The following STAB2 variants were observed in gnomAD, a reference collection of about 807,000 sequenced individuals.
The protein encoded by STAB2 is stabilin-2.
Under a neutral mutation model 338.1 loss-of-function variants are expected in STAB2, and 288 were observed. That is an observed-to-expected ratio of 0.85 (90% CI 0.77 to 0.94). The LOEUF is 0.94. Among genes scored for constraint, STAB2 ranks in the 40% least tolerant of loss-of-function variants. The pLI, the probability that STAB2 is intolerant of heterozygous loss-of-function variation, is 0.00. For synonymous variants in STAB2, 1,202 were observed against 1,193.3 expected (o/e 1.01, Z -0.15); for missense variants, 3,141 against 3,210.1 (o/e 0.98, Z 0.52).
chr12:103,596,759 T>TGCAG (rs1956881175), intron 3 of STAB2, among the ~76,000 whole-genome samples: 1 of 151,964 alleles, frequency 6.6e-6, no homozygotes, highest in Admixed American at 6.6e-5. Context: ...CTGTGCTATG[T>TGCAG]GCAGACCAAT....
chr12:103,592,714 T>C (rs1956818513), intron 2 of STAB2, among the ~76,000 whole-genome samples: 1 of 152,170 alleles, frequency 6.6e-6, no homozygotes. Flanking sequence ...ATAAGAACGC[T>C]TAACATAAGA....
In STAB2 at chr12:103,762,399, T is replaced by A; in HGVS notation, c.7485T>A (p.Phe2495Leu). The change falls in exon 67 of 69, where the codon TTT becomes TTA. Residue 2495 changes from phenylalanine (F) to leucine (L), a missense_variant. By Grantham distance (22) the Phe-to-Leu change is conservative (BLOSUM62 0). Coordinates refer to ENST00000388887, the MANE Select transcript of STAB2 (RefSeq NM_017564.10). ...GGAGAACAATCGGCTTCCAGCATTT[T>A]GAGGTAAGAGAGAAAAATGGGAACA... ...INRRTIGFQH[F>L]ESEEDINVAA... The A allele has an allele frequency of 6.2e-7, 1 of 1,614,200 alleles. No homozygotes were observed.
intron 63 of STAB2, among the ~76,000 whole-genome samples, chr12:103,756,735 A>G (rs900619603): frequency 6.6e-6 from 1 of 152,068 alleles, no homozygotes; most frequent in Non-Finnish European, 1.5e-5. Flanking sequence ...GAGCATGAGT[A>G]TAGGGCTTGT....
At chr12:103,698,256 T>G (rs1232658660) in intron 33 of STAB2, among the ~76,000 whole-genome samples, 1 of 152,092 alleles carries the variant, frequency 6.6e-6, no homozygotes, top group Non-Finnish European at 1.5e-5. Context: ...GGAGGTGGAT[T>G]TGGAGCTGAC....
intron 46 of STAB2, among the ~76,000 whole-genome samples, chr12:103,726,676 A>C (rs984362773): frequency 1.3e-5 from 2 of 152,182 alleles, no homozygotes; most frequent in Admixed American, 1.3e-4. Flanking sequence ...GCTAGTTAAC[A>C]CTTGGGGTAA....
At chr12:103,611,027 G>C (rs966194693) in intron 3 of STAB2, among the ~76,000 whole-genome samples, 1 of 152,170 alleles carries the variant, frequency 6.6e-6, no homozygotes, top group African/African-American at 2.4e-5. Context: ...CCGAGTTCTA[G>C]TTTGATTGCA....
intron 3 of STAB2, among the ~76,000 whole-genome samples, chr12:103,609,026 G>A (rs1957078421): frequency 6.6e-6 from 1 of 152,162 alleles, no homozygotes; most frequent in African/African-American, 2.4e-5. Context: ...TGAGGGCTCT[G>A]TTCTGTTCCA....
intron 41 of STAB2, 44 bp from the exon 42 acceptor site, chr12:103,713,599 T>C: frequency 6.2e-7 from 1 of 1,607,568 alleles, no homozygotes; most frequent in Non-Finnish European, 8.5e-7. Context: ...ATCAATGGCT[T>C]TTGCCCTTCC....
In STAB2 at chr12:103,688,775, C is replaced by T. The variant is rs752913829; in HGVS notation, c.3045+560C>T. On this transcript the variant is annotated intron_variant, in intron 28 of 68. Coordinates refer to ENST00000388887, the MANE Select transcript of STAB2 (RefSeq NM_017564.10). ...AGCATAGGTGAAAGAAGAGACTGAG[C>T]GTGCTCTCTTGAGCATGCTGACTTT... is the stretch of plus-strand genomic sequence containing the variant. Among the ~76,000 whole-genome samples the T allele has an allele frequency of 2.0e-5, 3 of 152,302 alleles. No homozygotes were observed. The South Asian group carries it at 6.2e-4, about 32-fold the overall frequency.
intron 66 of STAB2, 94 bp from the exon 67 acceptor site, chr12:103,762,180 C>T (rs1884586233): frequency 1.3e-6 from 2 of 1,537,044 alleles, no homozygotes; most frequent in Admixed American, 1.9e-5. Flanking sequence ...ATTTTTATCC[C>T]CACTGGCTCC....
chr12:103,743,417 A>C (rs76826534), intron 56 of STAB2, among the ~76,000 whole-genome samples: 14,236 of 152,266 alleles, frequency 0.093, 906 homozygotes, highest in Middle Eastern at 0.19. Context: ...TTTTCTAAAA[A>C]ATAGTTATAA....
intron 14 of STAB2, 23 bp from the exon 15 acceptor site, chr12:103,655,433 A>G (rs745684385): frequency 8.7e-6 from 14 of 1,613,178 alleles, no homozygotes; most frequent in Non-Finnish European, 1.1e-5. Context: ...CTGCAGATAC[A>G]AAATTTCATT....
rs1878376531 is a variant in STAB2 at position 103,696,050 on chromosome 12, CACACTTGAGCCTGTAT to C, written c.3582+211_3582+226del. ...TGCTACTCACATGCCCCTGGAATTGCACACTTGAGCCTGTATACACAAGGATGCAGGTGTGGTGCAT... is the reference window on the plus strand; with the variant it reads ...TGCTACTCACATGCCCCTGGAATTGCACACAAGGATGCAGGTGTGGTGCAT... On this transcript the variant is annotated intron_variant, in intron 33 of 68. Transcript: ENST00000388887. Among the ~76,000 whole-genome samples, 3 of 152,148 alleles carry C rather than the reference CACACTTGAGCCTGTAT, an allele frequency of 2.0e-5. No homozygotes were observed. In the South Asian group the frequency reaches 6.2e-4, roughly 32 times the overall value.
intron 37 of STAB2, 118 bp from the exon 38 acceptor site, chr12:103,706,674 C>G: frequency 7.3e-7 from 1 of 1,360,854 alleles, no homozygotes; most frequent in Non-Finnish European, 1.0e-6. Context: ...CTCACCCACT[C>G]CATGTGAGGT....
chr12:103,736,082 T>C (rs151231002), intron 52 of STAB2, among the ~76,000 whole-genome samples: 4 of 152,300 alleles, frequency 2.6e-5, no homozygotes, highest in African/African-American at 4.8e-5. Context: ...TTCCATATGA[T>C]GAATGGGTCT....
At chr12:103,600,478 A>G (rs1956937722) in intron 3 of STAB2, among the ~76,000 whole-genome samples, 1 of 152,190 alleles carries the variant, frequency 6.6e-6, no homozygotes, top group Admixed American at 6.5e-5. Context: ...GGTTTTCCTT[A>G]TTTTTATAAG....
intron 68 of STAB2, chr12:103,766,048 G>A: frequency 1.5e-6 from 1 of 665,076 alleles, no homozygotes; most frequent in Non-Finnish European, 2.8e-6. Context: ...CTGCAGCCGA[G>A]TTGGGATGAT....
chr12:103,689,809 C>A, intron 28 of STAB2, 37 bp from the exon 29 acceptor site: 1 of 1,601,872 alleles, frequency 6.2e-7, no homozygotes, highest in Non-Finnish European at 8.5e-7. Flanking sequence ...TGTCCCCTAA[C>A]ATAAGCAGGT....
intron 5 of STAB2, among the ~76,000 whole-genome samples, chr12:103,625,242 C>T (rs1957363143): frequency 6.6e-6 from 1 of 152,164 alleles, no homozygotes; most frequent in Non-Finnish European, 1.5e-5. Flanking sequence ...GTGTTGGTTA[C>T]TGATGAGCAC....
Sources: gnomAD v4.1 joint callset for allele counts (sites outside exome capture counted in the v4.1 genomes callset) on GRCh38, gnomAD v4.1.1 for gene constraint, MANE v1.5 for transcripts, NCBI Gene and HGNC (gene_info 2026-07-23, HGNC 2026-07-21) for gene names.